The following ARMH1 variants were observed in gnomAD, a reference collection of about 807,000 sequenced individuals.
The protein encoded by ARMH1 is armadillo-like helical domain containing protein 1.
Under a neutral mutation model 50.2 loss-of-function variants are expected in ARMH1, and 34 were observed. The ratio of observed to expected loss-of-function variants is 0.68; its 90% CI spans 0.51 to 0.90. ARMH1 has a LOEUF of 0.90. Ranked by LOEUF, ARMH1 falls within the 40% of genes least tolerant of loss-of-function variation. The pLI, the probability that ARMH1 is intolerant of heterozygous loss-of-function variation, is 0.00. For synonymous variants in ARMH1, 221 were observed against 224.2 expected, an observed-to-expected ratio of 0.99 and a Z score of 0.13; for missense variants, 538 against 553.9, an observed-to-expected ratio of 0.97 and a Z score of 0.29.
At chr1:44,711,770 T>C (rs1456219982) in intron 6 of ARMH1, among the ~76,000 whole-genome samples, 2 of 152,230 alleles carry the variant, frequency 1.3e-5, no homozygotes, top group Non-Finnish European at 2.9e-5. Flanking sequence ...ACAGTGATAC[T>C]AATGGTAATG....
At position 44,683,658 on chromosome 1, in the gene ARMH1, G is replaced by T. The variant is rs914709257; in HGVS notation, c.-22-6018G>T. On this transcript the variant is annotated intron_variant, in intron 1 of 11. Coordinates refer to ENST00000535358, the MANE Select transcript of ARMH1 (RefSeq NM_001145636.2). This position sits in a 1 kb window ranked among gnomAD's most constrained non-coding sequence, Gnocchi z 4.2. ...AGGAGATTATTGGTGACACCTTGGA[G>T]CACAGAGGAGAACAGGATCCATGCC... Among the ~76,000 whole-genome samples, 4 of 152,216 alleles carry T rather than the reference G, an allele frequency of 2.6e-5. No homozygotes were observed. Among genetic ancestry groups the T allele is most frequent in the Non-Finnish European group, 4.4e-5 (3 of 68,032 alleles).
intron 2 of ARMH1, among the ~76,000 whole-genome samples, chr1:44,691,983 T>C (rs1411856785): frequency 6.6e-6 from 1 of 152,224 alleles, no homozygotes; most frequent in Non-Finnish European, 1.5e-5. Context: ...GTTCAAGTTA[T>C]AGGAGGATTT....
At chr1:44,684,237 TATTA>T (rs948776391) in intron 1 of ARMH1, among the ~76,000 whole-genome samples, 37 of 152,334 alleles carry the variant, frequency 2.4e-4, no homozygotes, top group African/African-American at 8.9e-4. Context: ...GTTTTCATCT[TATTA>T]ATTATTTTTA....
In ARMH1 at chr1:44,725,511, G is replaced by A. The variant is rs547788840; in HGVS notation, c.*108G>A. On this transcript the variant is annotated 3_prime_UTR_variant, in exon 12 of 12. Coordinates refer to ENST00000535358, the MANE Select transcript of ARMH1 (RefSeq NM_001145636.2). ...AGCCACTCCACTTGGCTCCAGGGGG[G>A]AGACGGGGATTAGGCATCCCAGAGG... The A allele has an allele frequency of 2.3e-4, 261 of 1,133,910 alleles. 3 individuals are homozygous for A. In the African/African-American group the frequency reaches 3.7e-3, roughly 16 times the overall value. The allele number at this position is 1,133,910 out of a possible 1,614,324, so 70.2% of individuals were successfully genotyped here.
rs112541846 is a variant in ARMH1 at position 44,682,327 on chromosome 1, T to C, written c.-22-7349T>C. Among the ~76,000 whole-genome samples the C allele has an allele frequency of 2.8e-3, 429 of 152,212 alleles. 1 individual carries two copies. Among genetic ancestry groups the C allele is most frequent in the African/African-American group, 9.7e-3 (404 of 41,544 alleles). On this transcript the variant is annotated intron_variant, in intron 1 of 11. Coordinates refer to ENST00000535358, the MANE Select transcript of ARMH1 (RefSeq NM_001145636.2). This position sits in a 1 kb window ranked among gnomAD's most constrained non-coding sequence, Gnocchi z 4.5. Reference sequence around the variant, plus strand: ...ACGTGTCAAAGTCATTGATCGGCACTGCGGCAAGGTAGAGAGGGAAAGACA... The same window carrying C: ...ACGTGTCAAAGTCATTGATCGGCACCGCGGCAAGGTAGAGAGGGAAAGACA...
At chr1:44,710,060 G>T (rs565327121) in intron 6 of ARMH1, among the ~76,000 whole-genome samples, 2 of 152,046 alleles carry the variant, frequency 1.3e-5, no homozygotes, top group Non-Finnish European at 2.9e-5. Flanking sequence ...ACAACAGTGG[G>T]GCTTGTAGCT....
chr1:44,708,346 T>A (rs772373258), intron 6 of ARMH1, among the ~76,000 whole-genome samples: 5 of 152,214 alleles, frequency 3.3e-5, no homozygotes, highest in Non-Finnish European at 7.3e-5. Context: ...CCTGAGTGAC[T>A]GCGGGGAGAA....
intron 6 of ARMH1, among the ~76,000 whole-genome samples, chr1:44,719,335 C>A (rs1646987989): frequency 6.6e-6 from 1 of 152,174 alleles, no homozygotes; most frequent in African/African-American, 2.4e-5. Flanking sequence ...CAGGATCTGG[C>A]ACAAGGGCAA....
intron 5 of ARMH1, among the ~76,000 whole-genome samples, chr1:44,703,694 C>T (rs1178150801): frequency 2.0e-5 from 3 of 146,458 alleles, no homozygotes; most frequent in Non-Finnish European, 4.5e-5. Context: ...CGCCACTGCA[C>T]TCCAGCCTGG....
Position 44,724,092 on chromosome 1 carries a change from C to A in ARMH1, c.725-30C>A. 6.5e-7 allele frequency: 1 copy of A among 1,544,750 alleles called. No individual in the cohort carries two copies. On this transcript the variant is annotated intron_variant, in intron 6 of 11. Coordinates refer to ENST00000535358, the MANE Select transcript of ARMH1 (RefSeq NM_001145636.2). The surrounding 1 kb of genome is among the most constrained non-coding windows in gnomAD (Gnocchi z 6.4). ...TCCTCGGTGGCGGAGGGGCCTGGGGCCTCTCTCCAGCACCTCTGCCCTTCC... is the reference window on the plus strand; with the variant it reads ...TCCTCGGTGGCGGAGGGGCCTGGGGACTCTCTCCAGCACCTCTGCCCTTCC...
In ARMH1 at chr1:44,724,747, G is replaced by A; in HGVS notation, c.1051-15G>A. 6.6e-7 allele frequency: 1 copy of A among 1,525,600 alleles called. No individual in the cohort carries two copies. 94.5% of individuals were successfully genotyped at this position (1,525,600 alleles called of 1,614,324 possible). A position where few individuals can be genotyped will look rare whatever the true frequency, so the allele number is the denominator to read the frequency against. ...GTCGCCCCCGCAGTCACGCCGCCTC[G>A]CCCGCGCGGCGCAGTGCTTCGTGCA... is the stretch of plus-strand genomic sequence containing the variant. On this transcript the variant is annotated splice_polypyrimidine_tract_variant and intron_variant, in intron 9 of 11. Coordinates refer to ENST00000535358, the MANE Select transcript of ARMH1 (RefSeq NM_001145636.2). The surrounding 1 kb of genome is among the most constrained non-coding windows in gnomAD (Gnocchi z 6.4).
chr1:44,721,337 C>T (rs796334889), intron 6 of ARMH1, among the ~76,000 whole-genome samples: 6 of 152,252 alleles, frequency 3.9e-5, no homozygotes, highest in African/African-American at 1.4e-4. Context: ...AAAGTATCAT[C>T]ATCCTAACTC....
At chr1:44,676,130 A>G (rs1470089270) in intron 1 of ARMH1, among the ~76,000 whole-genome samples, 3 of 152,182 alleles carry the variant, frequency 2.0e-5, no homozygotes, top group Non-Finnish European at 4.4e-5. Flanking sequence ...AGCTAGAAAA[A>G]AATGGACTTG....
chr1:44,693,119 G>A (rs1476244859), intron 2 of ARMH1: 1 of 152,126 alleles, frequency 6.6e-6, no homozygotes, highest in Non-Finnish European at 1.5e-5. Context: ...CACTCCCAAG[G>A]TTCTGCTTTA....
chr1:44,721,499 A>C (rs1021511444), intron 6 of ARMH1, among the ~76,000 whole-genome samples: 1 of 151,206 alleles, frequency 6.6e-6, no homozygotes, highest in African/African-American at 2.4e-5. Flanking sequence ...ACTGTCAAAA[A>C]CTAGGTTTTC....
At position 44,724,598 on chromosome 1, in the gene ARMH1, G is replaced by T; in HGVS notation, c.980G>T (p.Arg327Leu). Residue 327 changes from arginine (R) to leucine (L), a missense_variant, in exon 9 of 12, where the codon CGT (arginine) becomes CTT (leucine). Coordinates refer to ENST00000535358, the MANE Select transcript of ARMH1 (RefSeq NM_001145636.2). This position sits in a 1 kb window ranked among gnomAD's most constrained non-coding sequence, Gnocchi z 6.4. ...AEELLYLRVVRGLMAAMGNTD... is the reference protein window; with the variant it reads ...AEELLYLRVVLGLMAAMGNTD... Reference sequence around the variant, plus strand: ...GAGCTGCTGTACCTGCGCGTGGTGCGTGGCCTAATGGCCGCCATGGGCAAC... The same window carrying T: ...GAGCTGCTGTACCTGCGCGTGGTGCTTGGCCTAATGGCCGCCATGGGCAAC... 1 of 1,516,712 alleles carries T rather than the reference G, an allele frequency of 6.6e-7. No homozygotes were observed. Among genetic ancestry groups the T allele is most frequent in the Non-Finnish European group, 8.8e-7 (1 of 1,135,304 alleles). The allele number at this position is 1,516,712 out of a possible 1,614,324, so 94.0% of individuals were successfully genotyped here. A position where few individuals can be genotyped will look rare whatever the true frequency, so the allele number is the denominator to read the frequency against.
intron 6 of ARMH1, among the ~76,000 whole-genome samples, chr1:44,705,209 G>A: frequency 6.6e-6 from 1 of 151,914 alleles, no homozygotes; most frequent in Non-Finnish European, 1.5e-5. Flanking sequence ...AACCATAAGA[G>A]GCCAGGCATG....
chr1:44,708,214 T>G lies in ARMH1; in HGVS notation c.724+4041T>G, dbSNP rs147804437. Among the ~76,000 whole-genome samples the G allele has an allele frequency of 5.7e-3, 862 of 152,228 alleles. 10 individuals carry two copies. The highest frequency in any genetic ancestry group is 0.019 in the African/African-American group (803 of 41,530). On this transcript the variant is annotated intron_variant, in intron 6 of 11. Coordinates refer to ENST00000535358, the MANE Select transcript of ARMH1 (RefSeq NM_001145636.2). ...CCTACATGTGGTCCTAAACAGTGGGTGACCGGAGAGGATTAGAGAGTAATT... is the reference window on the plus strand; with the variant it reads ...CCTACATGTGGTCCTAAACAGTGGGGGACCGGAGAGGATTAGAGAGTAATT...
chr1:44,691,475 C>T (rs1645656887), intron 2 of ARMH1, among the ~76,000 whole-genome samples: 1 of 152,094 alleles, frequency 6.6e-6, no homozygotes, highest in East Asian at 1.9e-4. Flanking sequence ...TGTCAATCAA[C>T]CTTTCCCACT....
Sources: allele counts gnomAD v4.1 joint callset (sites outside exome capture counted in the v4.1 genomes callset), GRCh38; gene constraint gnomAD v4.1.1; non-coding constraint Gnocchi (gnomAD v3.1); transcripts MANE v1.5; gene names NCBI Gene and HGNC (gene_info 2026-07-23, HGNC 2026-07-21).